LOC128462377: variants seen among roughly 807,000 people sequenced by gnomAD.
chr16:89,344,955 C>G, the LOC128462377 span, among the ~76,000 whole-genome samples: 2 of 152,164 alleles, frequency 1.3e-5, no homozygotes, highest in African/African-American at 2.4e-5. Flanking sequence ...GTTGGCAGAA[C>G]TGAAAATCTC....
chr16:89,341,874 G>A, the LOC128462377 span, among the ~76,000 whole-genome samples: 3 of 142,700 alleles, frequency 2.1e-5, no homozygotes, highest in Non-Finnish European at 4.6e-5. Context: ...AGCGGCCACG[G>A]CCCACGGCAG....
chr16:89,397,600 G>A, the LOC128462377 span, among the ~76,000 whole-genome samples: 1 of 152,206 alleles, frequency 6.6e-6, no homozygotes, highest in African/African-American at 2.4e-5. Context: ...ATGGCAAGGG[G>A]CCCACCTGCC....
At chr16:89,356,269 G>C in the LOC128462377 span, among the ~76,000 whole-genome samples, 1 of 151,604 alleles carries the variant, frequency 6.6e-6, no homozygotes, top group Non-Finnish European at 1.5e-5. Flanking sequence ...GTCCAAAGGA[G>C]ACATCTTTGT....
At chr16:89,369,258 G>T in the LOC128462377 span, among the ~76,000 whole-genome samples, 3 of 152,226 alleles carry the variant, frequency 2.0e-5, no homozygotes, top group African/African-American at 7.2e-5. Flanking sequence ...CCTACACCTA[G>T]GTACGCCCGA....
chr16:89,361,310 G>A, the LOC128462377 span, among the ~76,000 whole-genome samples: 1 of 152,194 alleles, frequency 6.6e-6, no homozygotes, highest in African/African-American at 2.4e-5. Context: ...AGCACACACA[G>A]AACCATCACA....
the LOC128462377 span, among the ~76,000 whole-genome samples, chr16:89,356,802 AG>A: frequency 6.7e-6 from 1 of 149,246 alleles, no homozygotes; most frequent in African/African-American, 2.6e-5. Context: ...AAAAGAAAAA[AG>A]AAAAAAAAAG....
the LOC128462377 span, among the ~76,000 whole-genome samples, chr16:89,356,780 C>CAAA: frequency 2.9e-5 from 3 of 103,962 alleles, no homozygotes; most frequent in Admixed American, 3.2e-4. Flanking sequence ...GACTCCGTCT[C>CAAA]AAAAAAAAAA....
the LOC128462377 span, among the ~76,000 whole-genome samples, chr16:89,382,255 G>A: frequency 0.55 from 83,663 of 151,754 alleles, 23,247 homozygotes; most frequent in Middle Eastern, 0.75. Flanking sequence ...GTTAAAAGGT[G>A]TCTAGAAATT....
chr16:89,334,649 C>G, the LOC128462377 span, among the ~76,000 whole-genome samples: 1 of 152,122 alleles, frequency 6.6e-6, no homozygotes, highest in Non-Finnish European at 1.5e-5. Context: ...AGCCACGCTC[C>G]ATGAGGGGCC....
chr16:89,366,932 G>A, the LOC128462377 span, among the ~76,000 whole-genome samples: 3 of 152,176 alleles, frequency 2.0e-5, no homozygotes, highest in South Asian at 2.1e-4. Flanking sequence ...ACCATCCTTC[G>A]CAATCTGGTT....
the LOC128462377 span, among the ~76,000 whole-genome samples, chr16:89,390,237 G>A: frequency 1.9e-4 from 25 of 130,908 alleles, no homozygotes; most frequent in Non-Finnish European, 4.0e-4. Flanking sequence ...CACCGAGAGA[G>A]AAGATCACTG....
chr16:89,330,630 G>T, the LOC128462377 span, among the ~76,000 whole-genome samples: 274 of 135,962 alleles, frequency 2.0e-3, 12 homozygotes, highest in East Asian at 0.061. Flanking sequence ...CTCGTGACAC[G>T]GCAGTAGGTT....
At chr16:89,392,965 C>T in the LOC128462377 span, among the ~76,000 whole-genome samples, 1 of 152,032 alleles carries the variant, frequency 6.6e-6, no homozygotes, top group Admixed American at 6.6e-5. Context: ...AAGGCCCTTT[C>T]TGTTTCCCCA....
chr16:89,388,726 A>G, the LOC128462377 span, among the ~76,000 whole-genome samples: 1 of 152,174 alleles, frequency 6.6e-6, no homozygotes, highest in Non-Finnish European at 1.5e-5. Context: ...AAGAGCCGGC[A>G]GGTCCCGGGC....
the LOC128462377 span, chr16:89,323,044 T>C: frequency 8.9e-5 from 27 of 303,416 alleles, no homozygotes; most frequent in Non-Finnish European, 1.4e-4. Flanking sequence ...GGTTTCGCCA[T>C]GCTTCCGAGG....
chr16:89,347,472 G>A, the LOC128462377 span, among the ~76,000 whole-genome samples: 28 of 152,198 alleles, frequency 1.8e-4, no homozygotes, highest in Middle Eastern at 6.8e-3. Context: ...TTAGCCGGGC[G>A]TGGTGGCAGG....
At chr16:89,377,015 G>A in the LOC128462377 span, among the ~76,000 whole-genome samples, 1 of 152,188 alleles carries the variant, frequency 6.6e-6, no homozygotes, top group Non-Finnish European at 1.5e-5. Context: ...CCTTTTTCCG[G>A]ACTGCTTCCA....
chr16:89,325,540 T>C, the LOC128462377 span, among the ~76,000 whole-genome samples: 2 of 152,120 alleles, frequency 1.3e-5, no homozygotes, highest in Non-Finnish European at 2.9e-5. Flanking sequence ...TTTACATAAA[T>C]TTCTGAAAAT....
chr16:89,338,504 C>T, the LOC128462377 span, among the ~76,000 whole-genome samples: 1 of 150,472 alleles, frequency 6.6e-6, no homozygotes, highest in Admixed American at 6.6e-5. Flanking sequence ...CCGAGGCGGG[C>T]AATCACCTGA....
Sources: allele counts gnomAD v4.1 joint callset (sites outside exome capture counted in the v4.1 genomes callset), GRCh38; gene constraint gnomAD v4.1.1; transcripts MANE v1.5.